Variants in RBM47 observed in about 807,000 individuals in gnomAD.
RBM47 encodes RNA binding motif protein 47.
A neutral mutation model predicts 47.1 loss-of-function variants in RBM47; 21 were observed. The observed-to-expected ratio is 0.45, with a 90% confidence interval of 0.32 to 0.64. The LOEUF is 0.64. Among genes scored for constraint, RBM47 ranks in the 30% least tolerant of loss-of-function variants. The probability of loss-of-function intolerance (pLI) is 0.05; values close to 1 mark genes in which losing one functional copy is unlikely to be tolerated. For synonymous variants in RBM47, 375 were observed against 361.7 expected, an observed-to-expected ratio of 1.04 and a Z score of -0.42; for missense variants, 708 against 870.9, an observed-to-expected ratio of 0.81 and a Z score of 2.35.
chr4:40,468,360 G>A (rs557289205), intron 2 of RBM47, among the ~76,000 whole-genome samples: 5 of 152,214 alleles, frequency 3.3e-5, no homozygotes, highest in Admixed American at 3.3e-4. Context: ...AAAAAATTGT[G>A]TTTGTTTTTT....
chr4:40,509,858 G>A (rs2154252959), intron 2 of RBM47, among the ~76,000 whole-genome samples: 1 of 151,082 alleles, frequency 6.6e-6, no homozygotes, highest in East Asian at 2.0e-4. Flanking sequence ...ACTCCAGCCT[G>A]GGCGACAGAG....
chr4:40,594,549 C>A (rs1281090334), intron 1 of RBM47, among the ~76,000 whole-genome samples: 1 of 152,184 alleles, frequency 6.6e-6, no homozygotes, highest in East Asian at 1.9e-4. Context: ...CTAACCGGAC[C>A]TCAACCCTAT....
chr4:40,552,473 C>T (rs944957756), intron 1 of RBM47, among the ~76,000 whole-genome samples: 1 of 152,080 alleles, frequency 6.6e-6, no homozygotes, highest in Non-Finnish European at 1.5e-5. Flanking sequence ...CAACTATTGA[C>T]GTGTTAAAAA....
intron 1 of RBM47, among the ~76,000 whole-genome samples, chr4:40,614,578 A>G (rs1736548392): frequency 6.6e-6 from 1 of 152,024 alleles, no homozygotes; most frequent in Non-Finnish European, 1.5e-5. Flanking sequence ...TCACACCTGT[A>G]ATTACAACAC....
chr4:40,589,993 A>G (rs1328959344), intron 1 of RBM47, among the ~76,000 whole-genome samples: 1 of 152,078 alleles, frequency 6.6e-6, no homozygotes, highest in Non-Finnish European at 1.5e-5. Context: ...AAAAAAAAAC[A>G]GCAGCTCAAA....
At chr4:40,442,830 C>T (rs564541216) in intron 3 of RBM47, among the ~76,000 whole-genome samples, 48 of 152,182 alleles carry the variant, frequency 3.2e-4, no homozygotes, top group African/African-American at 8.4e-4. Flanking sequence ...CACACCACCA[C>T]GCCCAGCTAA....
intron 6 of RBM47, among the ~76,000 whole-genome samples, chr4:40,429,853 G>C (rs1165232615): frequency 2.0e-5 from 3 of 152,014 alleles, no homozygotes; most frequent in African/African-American, 7.3e-5. Context: ...TACAAGGTAG[G>C]GGAGGATGAT....
In RBM47 at chr4:40,437,927, G is replaced by C; in HGVS notation, c.967C>G (p.Gln323Glu). 6.2e-7 allele frequency: 1 copy of C among 1,613,746 alleles called. No individual in the cohort carries two copies. Among genetic ancestry groups the C allele is most frequent in the Non-Finnish European group, 8.5e-7 (1 of 1,179,994 alleles). Residue 323 changes from glutamine (Q) to glutamate (E), a missense_variant, in exon 4 of 7, where the codon CAG becomes GAG. Gln to Glu is a conservative substitution (Grantham distance 29). Transcript: ENST00000295971. ...GCTGCCTTCTGGTAGCGCGAGTACTGCTCCTTGTCCACGGGCTTGGCCAGC... is the reference window on the plus strand; with the variant it reads ...GCTGCCTTCTGGTAGCGCGAGTACTCCTCCTTGTCCACGGGCTTGGCCAGC... ...VTLAKPVDKE[Q>E]YSRYQKAARG...
intron 2 of RBM47, among the ~76,000 whole-genome samples, chr4:40,529,560 A>G (rs1398367802): frequency 2.2e-5 from 3 of 136,874 alleles, no homozygotes; most frequent in Admixed American, 7.7e-5. Flanking sequence ...AAGGCGGGGC[A>G]TGGTGGCTCA....
chr4:40,558,960 C>T (rs946501698), intron 1 of RBM47, among the ~76,000 whole-genome samples: 26 of 152,278 alleles, frequency 1.7e-4, no homozygotes, highest in Middle Eastern at 3.4e-3. Context: ...CGCCACTGCA[C>T]TCCAGCCTGG....
chr4:40,487,716 G>A (rs1721298431), intron 2 of RBM47, among the ~76,000 whole-genome samples: 1 of 152,080 alleles, frequency 6.6e-6, no homozygotes, highest in African/African-American at 2.4e-5. Flanking sequence ...CAAGCCCCAA[G>A]TATGAAGAGA....
At chr4:40,595,311 A>G (rs1266843740) in intron 1 of RBM47, among the ~76,000 whole-genome samples, 4 of 152,012 alleles carry the variant, frequency 2.6e-5, no homozygotes. Flanking sequence ...CCTGACCAAC[A>G]AGGTGAAACC....
At chr4:40,525,289 T>TTTG (rs1223396329) in intron 2 of RBM47, among the ~76,000 whole-genome samples, 1 of 152,008 alleles carries the variant, frequency 6.6e-6, no homozygotes, top group East Asian at 1.9e-4. Context: ...AATACGAAAA[T>TTTG]TAGCCAGCTA....
At chr4:40,594,533 C>T (rs12644343) in intron 1 of RBM47, among the ~76,000 whole-genome samples, 31,309 of 152,128 alleles carry the variant, frequency 0.21, 3,579 homozygotes, top group Middle Eastern at 0.27. Flanking sequence ...ACATTCAAGG[C>T]CTCGCCTAAC....
intron 1 of RBM47, among the ~76,000 whole-genome samples, chr4:40,612,541 G>A (rs1301926626): frequency 6.6e-6 from 1 of 152,184 alleles, no homozygotes; most frequent in Non-Finnish European, 1.5e-5. Context: ...AGTATAGCTA[G>A]AAATTCTAAG....
chr4:40,593,143 C>G lies in RBM47; in HGVS notation c.-240+36253G>C, dbSNP rs1180480848. Among the ~76,000 whole-genome samples, 13 of 148,396 alleles carry G rather than the reference C, an allele frequency of 8.8e-5. No homozygotes were observed. The South Asian group carries it at 2.6e-3, about 29-fold the overall frequency. ...CCGAGTAGCTGGGACTACAGGCGCC[C>G]GCGACCACGCCAGGCTAATTTTTTT... is the stretch of plus-strand genomic sequence containing the variant. On this transcript the variant is annotated intron_variant, in intron 1 of 6. Coordinates refer to ENST00000295971, the MANE Select transcript of RBM47 (RefSeq NM_001098634.2).
At chr4:40,449,924 C>T (rs891743542) in intron 3 of RBM47, among the ~76,000 whole-genome samples, 8 of 152,042 alleles carry the variant, frequency 5.3e-5, no homozygotes, top group South Asian at 4.2e-4. Context: ...TCAAATGATC[C>T]GCCTGCCTTG....
chr4:40,576,264 G>GC (rs1553903915), intron 1 of RBM47, among the ~76,000 whole-genome samples: 8 of 135,858 alleles, frequency 5.9e-5, no homozygotes, highest in South Asian at 2.3e-4. Context: ...TTTGGGGGGG[G>GC]GCGGAGACAG....
At chr4:40,556,032 A>T (rs1303712081) in intron 1 of RBM47, among the ~76,000 whole-genome samples, 1 of 147,180 alleles carries the variant, frequency 6.8e-6, no homozygotes, top group Non-Finnish European at 1.5e-5. Flanking sequence ...ACCTGAAAAG[A>T]TCTTCTTTTT....
Sources: gnomAD v4.1 joint callset for allele counts (sites outside exome capture counted in the v4.1 genomes callset) on GRCh38, gnomAD v4.1.1 for gene constraint, MANE v1.5 for transcripts, NCBI Gene and HGNC (gene_info 2026-07-23, HGNC 2026-07-21) for gene names.